Variants in MTHFD2L observed in about 807,000 individuals in gnomAD.
MTHFD2L encodes the protein methylenetetrahydrofolate dehydrogenase (NADP+ dependent) 2 like.
Under a neutral mutation model 34.9 loss-of-function variants are expected in MTHFD2L, and 29 were observed. The ratio of observed to expected loss-of-function variants is 0.83; its 90% CI spans 0.62 to 1.13. The LOEUF is 1.13. Among genes scored for constraint, MTHFD2L ranks in the 50% most tolerant of loss-of-function variants. MTHFD2L has a pLI of 0.00. For synonymous variants in MTHFD2L, 167 were observed against 155.7 expected (o/e 1.07, Z -0.54); for missense variants, 481 against 446.5 (o/e 1.08, Z -0.70).
At chr4:74,127,767 G>T (rs1722182989) in intron 1 of MTHFD2L, among the ~76,000 whole-genome samples, 1 of 152,128 alleles carries the variant, frequency 6.6e-6, no homozygotes, top group Non-Finnish European at 1.5e-5. Flanking sequence ...TATATACCCA[G>T]TAGTTAATTG....
rs1271113505 is a variant in MTHFD2L, at chr4:74,191,539, TTTA to T, written c.452-8252_452-8250del. On this transcript the variant is annotated intron_variant, in intron 3 of 7. Transcript: ENST00000325278. ...GCCACCTTTGGTTTTTCTTTATATT[TTTA>T]TTTTTATTTATTTATTAATTTATTT... 2.0e-5 allele frequency among the ~76,000 whole-genome samples: 3 copies of T among 151,960 alleles called. No homozygotes were observed. The East Asian group carries it at 5.8e-4, about 29-fold the overall frequency.
intron 6 of MTHFD2L, among the ~76,000 whole-genome samples, chr4:74,229,870 T>A (rs1388958938): frequency 6.6e-6 from 1 of 152,140 alleles, no homozygotes; most frequent in Non-Finnish European, 1.5e-5. Context: ...CTAGAGTACT[T>A]TAATGTACCA....
intron 6 of MTHFD2L, among the ~76,000 whole-genome samples, chr4:74,239,489 TTA>T (rs1560520307): frequency 2.7e-5 from 4 of 147,764 alleles, no homozygotes; most frequent in African/African-American, 2.5e-5. Context: ...AAGTATAATT[TTA>T]AAAAAAAAAA....
chr4:74,132,618 T>C (rs574660272), intron 1 of MTHFD2L, among the ~76,000 whole-genome samples: 1 of 152,168 alleles, frequency 6.6e-6, no homozygotes, highest in Admixed American at 6.5e-5. Context: ...GGGACACCAT[T>C]AGGAGAAGTA....
chr4:74,133,991 T>A (rs972426584), intron 1 of MTHFD2L, among the ~76,000 whole-genome samples: 10 of 152,126 alleles, frequency 6.6e-5, no homozygotes, highest in Non-Finnish European at 1.3e-4. Context: ...AGATTCTACA[T>A]CCATGAGGCC....
At chr4:74,182,457 G>A (rs575615710) in intron 3 of MTHFD2L, among the ~76,000 whole-genome samples, 33 of 152,278 alleles carry the variant, frequency 2.2e-4, no homozygotes, top group African/African-American at 7.0e-4. Context: ...CGTTAGGAAT[G>A]CATATTTTAT....
At chr4:74,178,585 G>T (rs1258442727) in intron 3 of MTHFD2L, among the ~76,000 whole-genome samples, 1 of 151,910 alleles carries the variant, frequency 6.6e-6, no homozygotes, top group Non-Finnish European at 1.5e-5. Context: ...AACAGAGAGT[G>T]TGAGAAGCAT....
At chr4:74,257,035 G>A (rs569620111) in intron 6 of MTHFD2L, among the ~76,000 whole-genome samples, 26 of 152,172 alleles carry the variant, frequency 1.7e-4, no homozygotes, top group Non-Finnish European at 3.4e-4. Flanking sequence ...CAATGAATCT[G>A]TAGATTGTTT....
At chr4:74,293,101 T>A (rs571670193) in intron 7 of MTHFD2L, among the ~76,000 whole-genome samples, 1 of 152,238 alleles carries the variant, frequency 6.6e-6, no homozygotes, top group East Asian at 1.9e-4. Flanking sequence ...AACGTCCAGG[T>A]TTGTTACATA....
At chr4:74,172,799 A>G (rs901154400) in intron 1 of MTHFD2L, among the ~76,000 whole-genome samples, 6 of 152,196 alleles carry the variant, frequency 3.9e-5, no homozygotes, top group Non-Finnish European at 8.8e-5. Context: ...TCAAAATTGC[A>G]TGAACTGAGA....
chr4:74,223,009 GT>G (rs1738478720), intron 5 of MTHFD2L, among the ~76,000 whole-genome samples: 1 of 152,026 alleles, frequency 6.6e-6, no homozygotes, highest in Admixed American at 6.6e-5. Flanking sequence ...TTCAACCATT[GT>G]GGAAAACAGC....
chr4:74,238,457 C>T (rs1043192577), intron 6 of MTHFD2L, among the ~76,000 whole-genome samples: 2 of 152,156 alleles, frequency 1.3e-5, no homozygotes, highest in Admixed American at 1.3e-4. Flanking sequence ...ATGACTAAAA[C>T]ATCAAAAGCA....
At chr4:74,174,943 C>A (rs914786476) in intron 2 of MTHFD2L, among the ~76,000 whole-genome samples, 1 of 152,098 alleles carries the variant, frequency 6.6e-6, no homozygotes. Context: ...AAAAGGCCTG[C>A]TTTCATTATA....
At chr4:74,217,959 G>A (rs1424144234) in intron 5 of MTHFD2L, among the ~76,000 whole-genome samples, 1 of 152,084 alleles carries the variant, frequency 6.6e-6, no homozygotes, top group Non-Finnish European at 1.5e-5. Flanking sequence ...CCTGCCCCAT[G>A]CCCTTCTCAG....
chr4:74,123,428 G>T (rs1721854453), upstream of MTHFD2L: 1 of 152,092 alleles, frequency 6.6e-6, no homozygotes, highest in Admixed American at 6.6e-5. Flanking sequence ...GTGAAGGTAG[G>T]CTCATCTTTC....
chr4:74,225,269 G>T, intron 5 of MTHFD2L, 33 bp from the exon 6 acceptor site: 1 of 1,540,094 alleles, frequency 6.5e-7, no homozygotes, highest in Non-Finnish European at 8.9e-7. Context: ...TAAAAGTTCA[G>T]TAATCACTGA....
intron 3 of MTHFD2L, among the ~76,000 whole-genome samples, chr4:74,187,408 C>G (rs545350932): frequency 1.3e-5 from 2 of 152,110 alleles, no homozygotes; most frequent in Non-Finnish European, 2.9e-5. Context: ...CTGAAACTTT[C>G]TAAAAATAAT....
chr4:74,208,668 C>T (rs1256829209), intron 5 of MTHFD2L, among the ~76,000 whole-genome samples: 2 of 152,102 alleles, frequency 1.3e-5, no homozygotes, highest in African/African-American at 4.8e-5. Flanking sequence ...TTCCGGTTAA[C>T]AGGCCCAAAT....
intron 6 of MTHFD2L, among the ~76,000 whole-genome samples, chr4:74,257,789 A>G (rs1210818868): frequency 3.3e-5 from 5 of 152,164 alleles, no homozygotes; most frequent in African/African-American, 1.2e-4. Context: ...CAAAGAAGAC[A>G]CTCAGAATGA....
Sources: gnomAD v4.1 joint callset for allele counts (sites outside exome capture counted in the v4.1 genomes callset) on GRCh38, gnomAD v4.1.1 for gene constraint, MANE v1.5 for transcripts, NCBI Gene and HGNC (gene_info 2026-07-23, HGNC 2026-07-21) for gene names.